Variants in ZFAND6 observed in about 807,000 individuals in gnomAD.
The protein encoded by ZFAND6 is zinc finger AN1-type containing 6, also known as AN1-type zinc finger protein 6.
In ZFAND6, 12 loss-of-function variants were observed where a neutral mutation model predicts 24.5. The observed-to-expected ratio is 0.49, with a 90% CI of 0.31 to 0.79. The LOEUF is 0.79. Ranked by LOEUF, ZFAND6 falls within the 30% of genes least tolerant of loss-of-function variation. The pLI is 0.04. For synonymous variants in ZFAND6, 92 were observed against 81.5 expected, an observed-to-expected ratio of 1.13 and a Z score of -0.69; for missense variants, 207 against 245.9, an observed-to-expected ratio of 0.84 and a Z score of 1.06.
intron 4 of ZFAND6, among the ~76,000 whole-genome samples, chr15:80,122,261 C>A (rs2040180293): frequency 6.6e-6 from 1 of 152,054 alleles, no homozygotes; most frequent in African/African-American, 2.4e-5. Flanking sequence ...CATTTAGAAG[C>A]CTGCATACAG....
intron 1 of ZFAND6, chr15:80,073,261 C>A: frequency 3.5e-6 from 1 of 287,778 alleles, no homozygotes; most frequent in South Asian, 2.9e-5. Context: ...TCATTTCTTT[C>A]AAAGGTGGAG....
At chr15:80,066,890 C>A (rs1212257545) in intron 1 of ZFAND6, among the ~76,000 whole-genome samples, 1 of 148,030 alleles carries the variant, frequency 6.8e-6, no homozygotes, top group African/African-American at 2.6e-5. Flanking sequence ...CAGTGAGACT[C>A]CATCTCCCAA....
intron 1 of ZFAND6, among the ~76,000 whole-genome samples, chr15:80,067,811 A>T (rs906639659): frequency 6.6e-6 from 1 of 152,168 alleles, no homozygotes; most frequent in Non-Finnish European, 1.5e-5. Context: ...GGCAAGTCTG[A>T]ACTGATGTAT....
chr15:80,111,972 T>C (rs2039631812), intron 2 of ZFAND6, among the ~76,000 whole-genome samples: 1 of 152,178 alleles, frequency 6.6e-6, no homozygotes, highest in Admixed American at 6.5e-5. Flanking sequence ...AAAAAACTGC[T>C]GTATAGGCCA....
chr15:80,123,641 CCTATAA>C (rs1298742188), intron 5 of ZFAND6, among the ~76,000 whole-genome samples: 1 of 152,166 alleles, frequency 6.6e-6, no homozygotes, highest in Non-Finnish European at 1.5e-5. Flanking sequence ...GTGGCTTGTG[CCTATAA>C]TCCCTACCTA....
intron 5 of ZFAND6, among the ~76,000 whole-genome samples, chr15:80,128,914 T>G (rs1044079009): frequency 6.6e-6 from 1 of 152,242 alleles, no homozygotes; most frequent in African/African-American, 2.4e-5. Context: ...CCAGATCCCA[T>G]TCAAATTTGT....
chr15:80,136,775 A>G (rs1419193189), intron 6 of ZFAND6, among the ~76,000 whole-genome samples: 1 of 152,250 alleles, frequency 6.6e-6, no homozygotes, highest in Non-Finnish European at 1.5e-5. Context: ...GGCTGCACCC[A>G]TTACATCTCG....
intron 2 of ZFAND6, among the ~76,000 whole-genome samples, chr15:80,119,278 T>C (rs548814738): frequency 1.3e-5 from 2 of 152,294 alleles, no homozygotes; most frequent in African/African-American, 4.8e-5. Flanking sequence ...TTTAGTATTT[T>C]TTAGTTATAA....
chr15:80,067,480 T>C (rs1216994665), intron 1 of ZFAND6, among the ~76,000 whole-genome samples: 1 of 152,200 alleles, frequency 6.6e-6, no homozygotes, highest in Non-Finnish European at 1.5e-5. Flanking sequence ...TTCATAAACA[T>C]TTGTAACAAC....
intron 1 of ZFAND6, among the ~76,000 whole-genome samples, chr15:80,096,540 C>G (rs2038732735): frequency 6.6e-6 from 1 of 152,100 alleles, no homozygotes. Flanking sequence ...TGAATAAACC[C>G]TAAAACATCA....
At chr15:80,104,856 CTA>C (rs1489228236) in intron 2 of ZFAND6, among the ~76,000 whole-genome samples, 1 of 152,046 alleles carries the variant, frequency 6.6e-6, no homozygotes, top group African/African-American at 2.4e-5. Flanking sequence ...CTTGGATTGA[CTA>C]TTTTTGCCTA....
At chr15:80,093,706 CAA>C (rs1290503539) in intron 1 of ZFAND6, among the ~76,000 whole-genome samples, 1 of 152,200 alleles carries the variant, frequency 6.6e-6, no homozygotes, top group East Asian at 1.9e-4. Context: ...GCCTGGGCAA[CAA>C]GAGAAAAACT....
intron 5 of ZFAND6, 111 bp downstream of exon 5, chr15:80,122,911 TC>T: frequency 1.5e-6 from 1 of 661,320 alleles, no homozygotes; most frequent in Admixed American, 3.0e-5. Context: ...TTTTCTGTTT[TC>T]CCTATGAACA....
At chr15:80,131,494 A>G (rs1054953327) in intron 6 of ZFAND6, 46 of 467,672 alleles carry the variant, frequency 9.8e-5, no homozygotes, top group Middle Eastern at 1.1e-3. Flanking sequence ...TTTTTAAAAA[A>G]AGTTTTATTT....
chr15:80,063,665 C>G (rs2036457658), intron 1 of ZFAND6, among the ~76,000 whole-genome samples: 1 of 151,802 alleles, frequency 6.6e-6, no homozygotes, highest in Admixed American at 6.6e-5. Flanking sequence ...TCTCCTGCCT[C>G]AGCCTCTCCC....
intron 2 of ZFAND6, among the ~76,000 whole-genome samples, chr15:80,106,656 AT>A (rs2039345307): frequency 6.7e-6 from 1 of 148,616 alleles, no homozygotes; most frequent in Non-Finnish European, 1.5e-5. Context: ...CATTATGCAT[AT>A]TTTAATTCAT....
chr15:80,129,806 A>G (rs1421668513), intron 5 of ZFAND6: 1 of 152,340 alleles, frequency 6.6e-6, no homozygotes, highest in East Asian at 1.9e-4. Context: ...TATAAGCTTA[A>G]ACAAGAAAAA....
At chr15:80,115,690 T>G (rs758751565) in intron 2 of ZFAND6, among the ~76,000 whole-genome samples, 1 of 152,116 alleles carries the variant, frequency 6.6e-6, no homozygotes, top group African/African-American at 2.4e-5. Context: ...TAAGACTGAT[T>G]CTTTTTTTTT....
intron 3 of ZFAND6, among the ~76,000 whole-genome samples, chr15:80,121,398 A>G (rs555863706): frequency 3.9e-5 from 6 of 152,340 alleles, no homozygotes; most frequent in African/African-American, 1.2e-4. Flanking sequence ...TTATTTAAAT[A>G]TCTCATTTGT....
Sources: gnomAD v4.1 joint callset for allele counts (sites outside exome capture counted in the v4.1 genomes callset) on GRCh38, gnomAD v4.1.1 for gene constraint, MANE v1.5 for transcripts, NCBI Gene and HGNC (gene_info 2026-07-23, HGNC 2026-07-21) for gene names.